The following DNAH12 variants were observed in gnomAD, a reference collection of about 807,000 sequenced individuals.
The protein encoded by DNAH12 is axonemal beta dynein heavy chain 12.
In DNAH12, 285 loss-of-function variants were observed where a neutral mutation model predicts 371.5. The observed-to-expected ratio is 0.77, with a 90% confidence interval of 0.70 to 0.85. DNAH12 has a LOEUF of 0.85. Among genes scored for constraint, DNAH12 ranks in the 40% least tolerant of loss-of-function variants. DNAH12 has a pLI of 0.00. For missense variants in DNAH12, 3,611 were observed against 3,689.4 expected (o/e 0.98, Z 0.55); for synonymous variants, 1,200 against 1,213.0 (o/e 0.99, Z 0.22).
intron 29 of DNAH12, among the ~76,000 whole-genome samples, chr3:57,437,588 G>C (rs1209867455): frequency 6.6e-6 from 1 of 152,190 alleles, no homozygotes; most frequent in African/African-American, 2.4e-5. Context: ...GTGGATATCG[G>C]ATTGGGCCTG....
chr3:57,335,544 G>T (rs1553653395), intron 60 of DNAH12, among the ~76,000 whole-genome samples: 1 of 152,150 alleles, frequency 6.6e-6, no homozygotes, highest in Admixed American at 6.5e-5. Context: ...GGTGTATATG[G>T]TATAGCCTGT....
intron 4 of DNAH12, among the ~76,000 whole-genome samples, chr3:57,513,615 A>G (rs992612575): frequency 6.6e-6 from 1 of 152,232 alleles, no homozygotes; most frequent in Non-Finnish European, 1.5e-5. Flanking sequence ...TAACATCAAA[A>G]CTACAACAGA....
In DNAH12 at chr3:57,489,666, G is replaced by A. The variant is rs1214815183; in HGVS notation, c.1357C>T (p.Leu453Phe). The A allele has an allele frequency of 1.3e-6, 2 of 1,505,436 alleles. No individual in the cohort carries two copies. Among genetic ancestry groups the A allele is most frequent in the East Asian group, 2.6e-5 (1 of 39,146 alleles). 93.3% of individuals were successfully genotyped at this position (1,505,436 alleles called of 1,614,324 possible). A position where few individuals can be genotyped will look rare whatever the true frequency, so the allele number is the denominator to read the frequency against. ...YTEFIEKFLSLASEIMLLPQW... is the reference protein window; with the variant it reads ...YTEFIEKFLSFASEIMLLPQW... ...GGCAAAAGCATTATTTCTGAGGCAA[G>A]ACTGAGAAATTTTTCTATAAACTTG... Residue 453 changes from leucine to phenylalanine, a missense_variant, in exon 12 of 74, where the codon CTT (leucine) becomes TTT (phenylalanine). Leu to Phe is a conservative substitution (Grantham distance 22, BLOSUM62 0). This residue lies in a region of DNAH12 where 1,314 missense variants were observed against 1,398.7 expected (regional missense o/e 0.94). Transcript: ENST00000495027.
intron 2 of DNAH12, chr3:57,530,512 TTTTCC>T (rs1463439172): frequency 1.4e-6 from 1 of 729,786 alleles, no homozygotes; most frequent in Non-Finnish European, 2.5e-6. Flanking sequence ...TTGGCATTCT[TTTTCC>T]TTTCATCATA....
intron 30 of DNAH12, among the ~76,000 whole-genome samples, chr3:57,435,957 A>C (rs2065109930): frequency 6.6e-6 from 1 of 152,044 alleles, no homozygotes; most frequent in Admixed American, 6.6e-5. Context: ...TTCTATAGGC[A>C]AGAAGCAGGC....
chr3:57,356,488 TAAAATAAAG>T (rs2062804733), intron 59 of DNAH12, among the ~76,000 whole-genome samples: 10 of 141,660 alleles, frequency 7.1e-5, no homozygotes, highest in African/African-American at 2.3e-4. Context: ...AATAAATAAA[TAAAATAAAG>T]AAAAAAGAAA....
chr3:57,447,433 T>G (rs1559670113), intron 25 of DNAH12, among the ~76,000 whole-genome samples: 1 of 152,148 alleles, frequency 6.6e-6, no homozygotes. Context: ...CAAATTTAAC[T>G]TCTTTTAGAA....
chr3:57,365,658 T>C (rs2063034718), intron 57 of DNAH12, among the ~76,000 whole-genome samples: 1 of 152,090 alleles, frequency 6.6e-6, no homozygotes, highest in Non-Finnish European at 1.5e-5. Flanking sequence ...CAATAAAACT[T>C]ACCCATAATC....
chr3:57,510,147 C>T (rs2067933964), intron 5 of DNAH12, among the ~76,000 whole-genome samples: 1 of 151,440 alleles, frequency 6.6e-6, no homozygotes, highest in Non-Finnish European at 1.5e-5. Context: ...AGATTATACC[C>T]CTAATAAATC....
intron 12 of DNAH12, among the ~76,000 whole-genome samples, chr3:57,484,873 G>A (rs796779885): frequency 2.6e-5 from 4 of 151,940 alleles, no homozygotes; most frequent in South Asian, 4.1e-4. Flanking sequence ...TCAAAAAGTA[G>A]GCAAAGGACA....
chr3:57,465,201 A>T (rs2066164792), intron 17 of DNAH12, among the ~76,000 whole-genome samples: 2 of 152,250 alleles, frequency 1.3e-5, no homozygotes, highest in Non-Finnish European at 2.9e-5. Context: ...AGACTTAGCT[A>T]ACCCGTGGTC....
intron 35 of DNAH12, among the ~76,000 whole-genome samples, chr3:57,422,815 GTTC>G (rs1241447898): frequency 6.6e-6 from 1 of 152,130 alleles, no homozygotes; most frequent in Non-Finnish European, 1.5e-5. Context: ...AACCCAAATT[GTTC>G]TTCAGAAATG....
At chr3:57,480,808 A>G (rs947405716) in intron 13 of DNAH12, among the ~76,000 whole-genome samples, 2 of 152,178 alleles carry the variant, frequency 1.3e-5, no homozygotes, top group South Asian at 2.1e-4. Context: ...AACAGAACCA[A>G]AGACAAAAAC....
chr3:57,457,154 G>T (rs1464727349), intron 22 of DNAH12, among the ~76,000 whole-genome samples: 3 of 152,042 alleles, frequency 2.0e-5, no homozygotes, highest in Non-Finnish European at 4.4e-5. Flanking sequence ...AGCCATAGTG[G>T]TATAAAAATA....
chr3:57,531,506 A>C (rs1308710291), intron 2 of DNAH12, among the ~76,000 whole-genome samples: 1 of 152,116 alleles, frequency 6.6e-6, no homozygotes, highest in Non-Finnish European at 1.5e-5. Flanking sequence ...TCACGTCTGT[A>C]ATCCCAGCAC....
intron 11 of DNAH12, among the ~76,000 whole-genome samples, chr3:57,496,611 G>A (rs1484826511): frequency 6.6e-6 from 1 of 152,102 alleles, no homozygotes; most frequent in East Asian, 1.9e-4. Context: ...CATAAACACA[G>A]CAAGGATGCC....
At chr3:57,499,648 ATAT>A (rs1405556443) in intron 11 of DNAH12, among the ~76,000 whole-genome samples, 282 of 21,286 alleles carry the variant, frequency 0.013, 12 homozygotes, top group African/African-American at 0.053. Flanking sequence ...AAAAAAAAAA[ATAT>A]ATATATATAT....
intron 29 of DNAH12, among the ~76,000 whole-genome samples, chr3:57,443,374 T>C (rs1489412597): frequency 6.6e-6 from 1 of 152,166 alleles, no homozygotes; most frequent in African/African-American, 2.4e-5. Context: ...CCTCCCAAAG[T>C]GCTGGGATTA....
At chr3:57,386,628 C>T (rs1361088363) in intron 46 of DNAH12, 25 bp from the exon 47 acceptor site, 1 of 152,190 alleles carries the variant, frequency 6.6e-6, no homozygotes, top group Non-Finnish European at 1.5e-5. Context: ...GGTAACATAG[C>T]TCACTTTAAG....
Sources: gnomAD v4.1 joint callset for allele counts (sites outside exome capture counted in the v4.1 genomes callset) on GRCh38, gnomAD v4.1.1 for gene constraint, gnomAD v4.1.1 regional missense constraint, MANE v1.5 for transcripts, NCBI Gene and HGNC (gene_info 2026-07-23, HGNC 2026-07-21) for gene names.